HERC4: variants seen among roughly 807,000 people sequenced by gnomAD.
The protein encoded by HERC4 is probable E3 ubiquitin-protein ligase HERC4.
In HERC4, 28 loss-of-function variants were observed where a neutral mutation model predicts 124.3. The observed-to-expected ratio is 0.23, with a 90% CI of 0.17 to 0.31. The LOEUF (loss-of-function observed/expected upper bound fraction) is 0.31, where lower values mean the gene tolerates loss of function less well. Ranked by LOEUF, HERC4 falls within the 10% of genes least tolerant of loss-of-function variation. HERC4 has a pLI of 1.00. For synonymous variants in HERC4, 407 were observed against 421.5 expected, an observed-to-expected ratio of 0.97 and a Z score of 0.42; for missense variants, 713 against 1,229.3, an observed-to-expected ratio of 0.58 and a Z score of 6.28.
At chr10:68,047,834 A>G (rs1459651745) in intron 3 of HERC4, among the ~76,000 whole-genome samples, 1 of 152,210 alleles carries the variant, frequency 6.6e-6, no homozygotes, top group East Asian at 1.9e-4. Context: ...GATTCTTACA[A>G]AAGTAAATCT....
At chr10:67,989,686 T>A (rs34144591) in intron 14 of HERC4, among the ~76,000 whole-genome samples, 9,622 of 152,052 alleles carry the variant, frequency 0.063, 332 homozygotes, top group East Asian at 0.11. Flanking sequence ...TTAGAAAAAT[T>A]AAAGTGAGAA....
intron 5 of HERC4, among the ~76,000 whole-genome samples, chr10:68,035,640 C>G (rs7902239): frequency 0.075 from 11,348 of 152,208 alleles, 1,091 homozygotes; most frequent in African/African-American, 0.22. Context: ...TAAACAAGGC[C>G]TATAAGGTGC....
intron 3 of HERC4, among the ~76,000 whole-genome samples, chr10:68,065,897 C>T (rs2133821343): frequency 6.6e-6 from 1 of 151,994 alleles, no homozygotes; most frequent in African/African-American, 2.4e-5. Context: ...TAATTACACA[C>T]AGCATAGGTT....
chr10:68,046,420 T>C (rs2040014569), intron 3 of HERC4, among the ~76,000 whole-genome samples: 1 of 152,202 alleles, frequency 6.6e-6, no homozygotes. Flanking sequence ...AATGTCAATG[T>C]AAAGTCAAAG....
intron 15 of HERC4, among the ~76,000 whole-genome samples, chr10:67,980,785 C>A (rs189776734): frequency 1.1e-4 from 16 of 152,184 alleles, no homozygotes; most frequent in Non-Finnish European, 7.4e-5. Context: ...TTTCATTACT[C>A]TTCTTTTTGC....
chr10:67,990,712 C>G (rs964782847), intron 13 of HERC4, among the ~76,000 whole-genome samples, 192 bp downstream of exon 13: 20 of 152,214 alleles, frequency 1.3e-4, no homozygotes, highest in African/African-American at 4.3e-4. Flanking sequence ...AATTCAGGGT[C>G]TGCTTCAAAC....
chr10:67,978,270 A>G (rs2035718313), intron 15 of HERC4, among the ~76,000 whole-genome samples: 1 of 152,188 alleles, frequency 6.6e-6, no homozygotes, highest in Non-Finnish European at 1.5e-5. Context: ...GTCTCCAAAC[A>G]CAAACAAACA....
At chr10:68,040,075 T>A in intron 4 of HERC4, 1 of 823,516 alleles carries the variant, frequency 1.2e-6, no homozygotes, top group African/African-American at 1.8e-5. Context: ...CTATAGTGCC[T>A]AATTAATAGT....
chr10:68,072,668 T>C (rs2041630208), intron 3 of HERC4, among the ~76,000 whole-genome samples: 1 of 151,848 alleles, frequency 6.6e-6, no homozygotes, highest in Admixed American at 6.6e-5. Flanking sequence ...TCATACAAAA[T>C]AAGGTTTTAT....
intron 7 of HERC4, among the ~76,000 whole-genome samples, chr10:68,027,757 T>TC (rs2038978481): frequency 6.6e-6 from 1 of 151,866 alleles, no homozygotes; most frequent in Admixed American, 6.6e-5. Context: ...ACTTCGTCTC[T>TC]ACTAAAAATA....
intron 4 of HERC4, chr10:68,038,421 A>G (rs1168373723): frequency 3.2e-6 from 1 of 314,468 alleles, no homozygotes; most frequent in Non-Finnish European, 5.7e-6. Flanking sequence ...AAAGTGAGCT[A>G]TACTCATACC....
At chr10:67,982,596 G>A (rs1237133678) in intron 15 of HERC4, among the ~76,000 whole-genome samples, 1 of 152,056 alleles carries the variant, frequency 6.6e-6, no homozygotes, top group African/African-American at 2.4e-5. Context: ...ACAAGCACAT[G>A]CAACCAAAGC....
intron 10 of HERC4, 49 bp from the exon 11 acceptor site, chr10:67,992,372 C>T (rs1260890935): frequency 6.3e-7 from 1 of 1,578,132 alleles, no homozygotes; most frequent in African/African-American, 1.4e-5. Flanking sequence ...TTATATATAA[C>T]TCAAAAACCA....
chr10:68,070,498 C>T lies in HERC4; in HGVS notation c.226+2385G>A, dbSNP rs567136552. On this transcript the variant is annotated intron_variant, in intron 3 of 24. Coordinates refer to ENST00000373700, the MANE Select transcript of HERC4 (RefSeq NM_015601.4). The stretch of plus-strand genomic sequence containing the variant: ...GTGGGCGCCTGTAATCCCAGCTATT[C>T]GGGAGGCTGAGGCAGGAGAATTGCT... 3.9e-3 allele frequency: 648 copies of T among 165,384 alleles called. 5 individuals carry two copies. The highest frequency in any genetic ancestry group is 0.015 in the African/African-American group (613 of 41,552). 10.2% of individuals were successfully genotyped at this position (165,384 alleles called of 1,614,324 possible).
intron 6 of HERC4, among the ~76,000 whole-genome samples, chr10:68,033,460 T>C (rs1375427025): frequency 6.6e-6 from 1 of 152,216 alleles, no homozygotes; most frequent in Non-Finnish European, 1.5e-5. Flanking sequence ...TTCAACTCAA[T>C]GTAATCATGA....
chr10:67,959,850 C>T (rs1337143542), intron 16 of HERC4, among the ~76,000 whole-genome samples: 1 of 152,104 alleles, frequency 6.6e-6, no homozygotes, highest in Non-Finnish European at 1.5e-5. Flanking sequence ...AGAAAGTTTC[C>T]ACATATGCTC....
intron 16 of HERC4, among the ~76,000 whole-genome samples, chr10:67,959,497 T>TA (rs1251317510): frequency 6.6e-6 from 1 of 151,708 alleles, no homozygotes; most frequent in Admixed American, 6.6e-5. Flanking sequence ...TTTTTCTACT[T>TA]AAAAAAAATG....
intron 8 of HERC4, among the ~76,000 whole-genome samples, chr10:68,024,716 T>C (rs376758509): frequency 6.6e-6 from 1 of 152,260 alleles, no homozygotes; most frequent in East Asian, 1.9e-4. Flanking sequence ...ACATACAAGG[T>C]AGAAAAACAT....
chr10:67,990,456 G>GA (rs11422655), intron 13 of HERC4, 56 bp from the exon 14 acceptor site: 252,223 of 602,250 alleles, frequency 0.42, 22,087 homozygotes, highest in African/African-American at 0.68. Flanking sequence ...CACTTTCAAA[G>GA]AAAAAAAAAA....
Sources: gnomAD v4.1 joint callset for allele counts (sites outside exome capture counted in the v4.1 genomes callset) on GRCh38, gnomAD v4.1.1 for gene constraint, MANE v1.5 for transcripts, NCBI Gene and HGNC (gene_info 2026-07-23, HGNC 2026-07-21) for gene names.